The following SLC12A6 variants were observed in gnomAD, a reference collection of about 807,000 sequenced individuals.
SLC12A6 encodes solute carrier family 12 member 6, also known as K-Cl cotransporter 3.
SLC12A6 carries 66 observed loss-of-function variants against 135.3 expected under a neutral mutation model. That is an observed-to-expected ratio of 0.49 (90% CI 0.40 to 0.60). The LOEUF (loss-of-function observed/expected upper bound fraction) is 0.60, where lower values mean the gene tolerates loss of function less well. SLC12A6 is among the 20% of genes least tolerant of loss of function. The pLI is 0.00. For missense variants in SLC12A6, 1,058 were observed against 1,452.3 expected, an observed-to-expected ratio of 0.73 and a Z score of 4.41; for synonymous variants, 513 against 508.8, an observed-to-expected ratio of 1.01 and a Z score of -0.11.
chr15:34,328,958 G>A (rs1889654075), intron 2 of SLC12A6, among the ~76,000 whole-genome samples: 1 of 152,172 alleles, frequency 6.6e-6, no homozygotes, highest in African/African-American at 2.4e-5. Flanking sequence ...ACAGAGAATA[G>A]CTTCTTGTTT....
chr15:34,245,554 G>A, intron 14 of SLC12A6, 139 bp downstream of exon 14: 1 of 910,756 alleles, frequency 1.1e-6, no homozygotes, highest in South Asian at 1.3e-5. Context: ...GTAAACTCAT[G>A]CTTGGGATTT....
intron 2 of SLC12A6, among the ~76,000 whole-genome samples, chr15:34,313,894 A>G (rs533031769): frequency 8.0e-4 from 121 of 151,846 alleles, no homozygotes; most frequent in African/African-American, 2.9e-3. Flanking sequence ...TCACTTGAGC[A>G]CAAGAGTTCA....
chr15:34,234,006 G>T, intron 25 of SLC12A6, 34 bp from the exon 26 acceptor site: 1 of 1,105,338 alleles, frequency 9.0e-7, no homozygotes, highest in South Asian at 1.2e-5. Context: ...GGCAAAAGAA[G>T]AGCACAAACT....
chr15:34,286,855 T>C (rs1195988348), intron 2 of SLC12A6, among the ~76,000 whole-genome samples: 1 of 152,196 alleles, frequency 6.6e-6, no homozygotes, highest in African/African-American at 2.4e-5. Context: ...ACAAGATATG[T>C]ACTCATACTA....
At chr15:34,242,970 T>C (rs1891747213) in intron 16 of SLC12A6, among the ~76,000 whole-genome samples, 1 of 152,148 alleles carries the variant, frequency 6.6e-6, no homozygotes, top group Non-Finnish European at 1.5e-5. Flanking sequence ...CTCAGCTCAC[T>C]GCAACCTCCG....
intron 18 of SLC12A6, 147 bp downstream of exon 18, chr15:34,241,086 A>C (rs954232730): frequency 1.3e-5 from 9 of 674,234 alleles, no homozygotes; most frequent in Non-Finnish European, 2.4e-5. Flanking sequence ...AAAGGGAATA[A>C]AAAAATTAAG....
At position 34,254,345 on chromosome 15, in the gene SLC12A6, T is replaced by C; in HGVS notation, c.1118+3A>G. The C allele has an allele frequency of 6.2e-7, 1 of 1,613,050 alleles. No homozygotes were observed. Among genetic ancestry groups the C allele is most frequent in the Non-Finnish European group, 8.5e-7 (1 of 1,179,202 alleles). On this transcript the variant is annotated splice_donor_region_variant and intron_variant, in intron 9 of 25. Coordinates refer to ENST00000354181, the MANE Select transcript of SLC12A6 (RefSeq NM_001365088.1). ...ATGGCTAGGCAGAGAGACAGACACG[T>C]ACGGGAAGTGTGGAGGAGCAAAAGA...
At chr15:34,253,693 G>A (rs140088171) in intron 9 of SLC12A6, among the ~76,000 whole-genome samples, 43 of 152,330 alleles carry the variant, frequency 2.8e-4, no homozygotes, top group African/African-American at 9.9e-4. Context: ...TAATCCAGAT[G>A]ACTCTTCAAG....
chr15:34,336,594 T>C lies in SLC12A6; in HGVS notation c.87A>G (p.Ser29=), dbSNP rs1473916818. 4 of 1,613,614 alleles carry C rather than the reference T, an allele frequency of 2.5e-6. No individual in the cohort carries two copies. The African/African-American group carries it at 5.3e-5, about 22-fold the overall frequency. Residue 29 remains serine, a synonymous_variant, in exon 2 of 26, where the codon TCA becomes TCG. Transcript: ENST00000354181. The part of the protein sequence containing the change: ...PTKIDDIPGL[S]DTSPDLSSRS... ...GAGAGCTGAGGTCCGGACTGGTGTCTGACAAACCTGGAATGTCATCGATCT... is the reference window on the plus strand; with the variant it reads ...GAGAGCTGAGGTCCGGACTGGTGTCCGACAAACCTGGAATGTCATCGATCT...
chr15:34,284,202 A>G (rs905055098), intron 2 of SLC12A6, among the ~76,000 whole-genome samples: 2 of 151,000 alleles, frequency 1.3e-5, no homozygotes, highest in Non-Finnish European at 3.0e-5. Flanking sequence ...AGGCAGGTTG[A>G]TGATATCTTA....
At chr15:34,308,454 G>C (rs1413141024) in intron 2 of SLC12A6, among the ~76,000 whole-genome samples, 1 of 151,882 alleles carries the variant, frequency 6.6e-6, no homozygotes, top group Non-Finnish European at 1.5e-5. Context: ...GTGAAACCCT[G>C]TCTCTACTAA....
rs1413878794 is a variant in SLC12A6, at chr15:34,337,385, T to C, written c.-126A>G. 2 of 153,668 alleles carry C rather than the reference T, an allele frequency of 1.3e-5. No individual in the cohort carries two copies. The highest frequency in any genetic ancestry group is 3.8e-4 in the East Asian group (2 of 5,198). The allele number at this position is 153,668 out of a possible 1,614,324, so 9.5% of individuals were successfully genotyped here. Reference sequence around the variant, plus strand: ...GATGCAGGGGCAGAGCGGATTCCTGTCTCCGAGAGGTCGGTGGGGGTGGCG... The same window carrying C: ...GATGCAGGGGCAGAGCGGATTCCTGCCTCCGAGAGGTCGGTGGGGGTGGCG... On this transcript the variant is annotated 5_prime_UTR_variant, in exon 1 of 26. Coordinates refer to ENST00000354181, the MANE Select transcript of SLC12A6 (RefSeq NM_001365088.1).
intron 3 of SLC12A6, among the ~76,000 whole-genome samples, chr15:34,266,396 A>G (rs1322860812): frequency 1.3e-5 from 2 of 152,088 alleles, no homozygotes; most frequent in Non-Finnish European, 2.9e-5. Context: ...ATACCACATA[A>G]TAACAAAAGG....
chr15:34,320,265 G>A (rs2141124901), intron 2 of SLC12A6, among the ~76,000 whole-genome samples: 1 of 152,262 alleles, frequency 6.6e-6, no homozygotes. Context: ...TAACACATGA[G>A]TATATGAAGA....
At position 34,238,267 on chromosome 15, in the gene SLC12A6, G is replaced by A. The variant is rs1183508583; in HGVS notation, c.2767C>T (p.Leu923Phe). Residue 923 changes from leucine (L) to phenylalanine (F), a missense_variant, in exon 21 of 26, where the codon CTT (leucine) becomes TTT (phenylalanine). By Grantham distance (22) the Leu-to-Phe change is conservative (BLOSUM62 0). Coordinates refer to ENST00000354181, the MANE Select transcript of SLC12A6 (RefSeq NM_001365088.1). ...TTCAGTAGGAATGGTAGTAGCATAA[G>A]CATCCCCCCATCATGCACAATCCAC... is the stretch of plus-strand genomic sequence containing the variant. ...VWWIVHDGGM[L>F]MLLPFLLKQH... The A allele has an allele frequency of 1.9e-6, 3 of 1,613,488 alleles. No homozygotes were observed. The highest frequency in any genetic ancestry group is 2.5e-6 in the Non-Finnish European group (3 of 1,179,358).
chr15:34,300,289 T>A (rs1171605416), intron 2 of SLC12A6, among the ~76,000 whole-genome samples: 1 of 152,082 alleles, frequency 6.6e-6, no homozygotes, highest in African/African-American at 2.4e-5. Context: ...AAGTAGAAGG[T>A]TTAGCTATAT....
chr15:34,299,443 T>C (rs1896092588), intron 2 of SLC12A6: 2 of 152,302 alleles, frequency 1.3e-5, no homozygotes, highest in South Asian at 4.1e-4. Flanking sequence ...TGCATAAAGA[T>C]GAATAGAGCA....
rs73374490 is a variant in SLC12A6, at chr15:34,336,823, C to T, written c.-72-71G>A. 120,420 of 713,682 alleles carry T rather than the reference C, an allele frequency of 0.17. 11,072 individuals are homozygous for T. The highest frequency in any genetic ancestry group is 0.31 in the East Asian group (11,415 of 37,346). The allele number at this position is 713,682 out of a possible 1,614,324, so 44.2% of individuals were successfully genotyped here. On this transcript the variant is annotated intron_variant, in intron 1 of 25. Transcript: ENST00000354181. ...TTGATTCACACCACACAAAAAGCCC[C>T]AACTAAGAATACTTCTACTCAGAAT... is the stretch of plus-strand genomic sequence containing the variant.
At chr15:34,251,326 C>A (rs1892379301) in intron 10 of SLC12A6, among the ~76,000 whole-genome samples, 1 of 152,092 alleles carries the variant, frequency 6.6e-6, no homozygotes, top group South Asian at 2.1e-4. Flanking sequence ...TGGCTCACTG[C>A]AAGCTCTGCC....
Sources: allele counts gnomAD v4.1 joint callset (sites outside exome capture counted in the v4.1 genomes callset), GRCh38; gene constraint gnomAD v4.1.1; transcripts MANE v1.5; gene names NCBI Gene and HGNC (gene_info 2026-07-23, HGNC 2026-07-21).